The following STAM variants were observed in gnomAD, a reference collection of about 807,000 sequenced individuals.
STAM encodes signal transducing adaptor molecule.
Under a neutral mutation model 63.4 loss-of-function variants are expected in STAM, and 16 were observed. The ratio of observed to expected loss-of-function variants is 0.25; its 90% CI spans 0.17 to 0.38. STAM has a LOEUF of 0.38. Among genes scored for constraint, STAM ranks in the 10% least tolerant of loss-of-function variants. The pLI is 1.00. For missense variants in STAM, 636 were observed against 657.1 expected, an observed-to-expected ratio of 0.97 and a Z score of 0.35; for synonymous variants, 238 against 223.9, an observed-to-expected ratio of 1.06 and a Z score of -0.56.
Position 17,688,182 on chromosome 10 carries a change from G to T in STAM, c.444+9G>T. The T allele has an allele frequency of 6.6e-7, 1 of 1,525,814 alleles. No homozygotes were observed. Among genetic ancestry groups the T allele is most frequent in the South Asian group, 1.3e-5 (1 of 74,814 alleles). The allele number at this position is 1,525,814 out of a possible 1,614,324, so 94.5% of individuals were successfully genotyped here. A position where few individuals can be genotyped will look rare whatever the true frequency, so the allele number is the denominator to read the frequency against. ...CAGCTATTGGCTCTCAGGTATTTTG[G>T]GAATGAAGTTGTGTGTGTGCTACAG... On this transcript the variant is annotated intron_variant, in intron 5 of 13. Transcript: ENST00000377524.
intron 1 of STAM, among the ~76,000 whole-genome samples, chr10:17,646,468 C>T (rs1453800623): frequency 1.3e-5 from 2 of 152,046 alleles, no homozygotes; most frequent in South Asian, 2.1e-4. Flanking sequence ...TTGCCTTTAC[C>T]GAATTATTTA....
chr10:17,679,984 G>A (rs1835013655), intron 2 of STAM, among the ~76,000 whole-genome samples: 1 of 151,748 alleles, frequency 6.6e-6, no homozygotes, highest in Non-Finnish European at 1.5e-5. Context: ...TTCTTGGCCA[G>A]TCTAACCAAA....
intron 2 of STAM, among the ~76,000 whole-genome samples, chr10:17,681,574 GT>G (rs1266917538): frequency 2.6e-5 from 4 of 152,096 alleles, no homozygotes; most frequent in African/African-American, 9.7e-5. Context: ...ATTTATAGAT[GT>G]TGATAATGTA....
chr10:17,668,730 G>T (rs1834503263), intron 2 of STAM, among the ~76,000 whole-genome samples: 1 of 152,150 alleles, frequency 6.6e-6, no homozygotes, highest in Non-Finnish European at 1.5e-5. Context: ...AGCCTTTTCA[G>T]ACTGGCATCT....
intron 2 of STAM, among the ~76,000 whole-genome samples, chr10:17,667,481 A>T (rs1834442707): frequency 6.6e-6 from 1 of 152,170 alleles, no homozygotes; most frequent in South Asian, 2.1e-4. Flanking sequence ...GTTTCGTAAC[A>T]TGGCAGAATT....
chr10:17,681,704 T>C (rs1206195103), intron 2 of STAM, among the ~76,000 whole-genome samples: 4 of 152,254 alleles, frequency 2.6e-5, no homozygotes, highest in Non-Finnish European at 4.4e-5. Flanking sequence ...TTGGGAGGCA[T>C]ATCTGTGTCC....
At position 17,684,932 on chromosome 10, in the gene STAM, G is replaced by A; in HGVS notation, c.297+5G>A. 1 of 1,600,398 alleles carries A rather than the reference G, an allele frequency of 6.2e-7. No homozygotes were observed. Among genetic ancestry groups the A allele is most frequent in the South Asian group, 1.1e-5 (1 of 89,534 alleles). On this transcript the variant is annotated splice_donor_5th_base_variant and intron_variant, in intron 4 of 13. Coordinates refer to ENST00000377524, the MANE Select transcript of STAM (RefSeq NM_003473.4). ...GTAAGCAACGTATTAAATAAGGTAA[G>A]GAGCATTATTTCCAGAAATTAATTA...
At chr10:17,690,564 A>C (rs1443868762) in intron 5 of STAM, among the ~76,000 whole-genome samples, 1 of 152,220 alleles carries the variant, frequency 6.6e-6, no homozygotes, top group East Asian at 1.9e-4. Flanking sequence ...AAATGAAAAA[A>C]ATAAATCATC....
intron 13 of STAM, 133 bp from the exon 14 acceptor site, chr10:17,714,410 T>G (rs1836709417): frequency 1.2e-6 from 1 of 841,052 alleles, no homozygotes. Context: ...TTTGGCACAT[T>G]ATAGCTGTTT....
chr10:17,676,194 G>C (rs190116499), intron 2 of STAM, among the ~76,000 whole-genome samples: 1 of 152,158 alleles, frequency 6.6e-6, no homozygotes, highest in African/African-American at 2.4e-5. Flanking sequence ...GAAGGTTCAC[G>C]ACTTAATTTT....
intron 2 of STAM, among the ~76,000 whole-genome samples, chr10:17,681,088 A>G (rs1554825312): frequency 2.0e-5 from 3 of 152,038 alleles, no homozygotes; most frequent in Non-Finnish European, 4.4e-5. Context: ...ATTCCCACCA[A>G]CAGTGCACAA....
intron 1 of STAM, among the ~76,000 whole-genome samples, chr10:17,656,292 TTAAA>T (rs1248128907): frequency 4.5e-5 from 6 of 134,430 alleles, no homozygotes; most frequent in Admixed American, 3.1e-4. Context: ...AGACTCCGTC[TTAAA>T]AAAAAAAAAA....
intron 5 of STAM, among the ~76,000 whole-genome samples, chr10:17,691,974 G>A (rs1248905712): frequency 6.6e-6 from 1 of 152,168 alleles, no homozygotes; most frequent in Admixed American, 6.5e-5. Context: ...TACGTTATAA[G>A]CCCCGGAGGT....
At chr10:17,714,065 T>C (rs1262021378) in intron 13 of STAM, among the ~76,000 whole-genome samples, 1 of 152,198 alleles carries the variant, frequency 6.6e-6, no homozygotes, top group African/African-American at 2.4e-5. Context: ...TGAAATGTAC[T>C]TTCCTAGGGA....
chr10:17,686,514 A>T (rs2764800), intron 4 of STAM, among the ~76,000 whole-genome samples: 151,969 of 152,070 alleles, frequency 1, 75,934 homozygotes, highest in Middle Eastern at 1. Flanking sequence ...GTAGCTGGGA[A>T]TACAGGCATG....
At chr10:17,667,939 G>T (rs541357298) in intron 2 of STAM, among the ~76,000 whole-genome samples, 1 of 152,340 alleles carries the variant, frequency 6.6e-6, no homozygotes, top group Non-Finnish European at 1.5e-5. Flanking sequence ...CTGGGTTTCA[G>T]AGTGAGTTAG....
intron 1 of STAM, among the ~76,000 whole-genome samples, chr10:17,648,101 A>G (rs1833587739): frequency 6.6e-6 from 1 of 152,184 alleles, no homozygotes; most frequent in Non-Finnish European, 1.5e-5. Flanking sequence ...CTTCACATTC[A>G]TCCTATCAGC....
intron 5 of STAM, among the ~76,000 whole-genome samples, chr10:17,691,672 C>G (rs1194873598): frequency 6.6e-6 from 1 of 152,108 alleles, no homozygotes; most frequent in Non-Finnish European, 1.5e-5. Flanking sequence ...TAGGCACATT[C>G]CCTCAGGGAA....
At chr10:17,708,581 T>C (rs1328641570) in intron 12 of STAM, among the ~76,000 whole-genome samples, 195 bp from the exon 13 acceptor site, 1 of 151,984 alleles carries the variant, frequency 6.6e-6, no homozygotes, top group Non-Finnish European at 1.5e-5. Context: ...TATGTTTAAC[T>C]AAAAATGAAA....
Sources: allele counts gnomAD v4.1 joint callset (sites outside exome capture counted in the v4.1 genomes callset), GRCh38; gene constraint gnomAD v4.1.1; transcripts MANE v1.5; gene names NCBI Gene and HGNC (gene_info 2026-07-23, HGNC 2026-07-21).